The following VCL variants were observed in gnomAD, a reference collection of about 807,000 sequenced individuals.
VCL encodes epididymis luminal protein 114.
A neutral mutation model predicts 125.7 loss-of-function variants in VCL; 47 were observed. The ratio of observed to expected loss-of-function variants is 0.37; its 90% confidence interval spans 0.30 to 0.48. VCL has a LOEUF of 0.48. Ranked by LOEUF, VCL falls within the 20% of genes least tolerant of loss-of-function variation. VCL has a pLI of 0.99. For synonymous variants in VCL, 458 were observed against 514.6 expected, an observed-to-expected ratio of 0.89 and a Z score of 1.49; for missense variants, 1,069 against 1,455.5, an observed-to-expected ratio of 0.73 and a Z score of 4.32.
intron 16 of VCL, 143 bp from the exon 17 acceptor site, chr10:74,107,087 C>T (rs1391375665): frequency 6.7e-6 from 9 of 1,348,818 alleles, no homozygotes; most frequent in South Asian, 6.2e-5. Flanking sequence ...TGTCCTGCCT[C>T]CCCCCTTCTT....
intron 2 of VCL, among the ~76,000 whole-genome samples, chr10:74,069,740 G>C (rs1841633298): frequency 6.6e-6 from 1 of 152,080 alleles, no homozygotes; most frequent in South Asian, 2.1e-4. Flanking sequence ...TGATCTATTA[G>C]GTTATTTTCA....
At chr10:74,065,975 C>T (rs529048931) in intron 2 of VCL, among the ~76,000 whole-genome samples, 1 of 150,940 alleles carries the variant, frequency 6.6e-6, no homozygotes, top group East Asian at 1.9e-4. Flanking sequence ...TTCATATTAA[C>T]ACTAATAACA....
At chr10:74,102,463 CATT>C (rs1489459786) in intron 14 of VCL, among the ~76,000 whole-genome samples, 1 of 152,070 alleles carries the variant, frequency 6.6e-6, no homozygotes, top group African/African-American at 2.4e-5. Context: ...ATAGAAAATT[CATT>C]ATTTTTTCAT....
intron 15 of VCL, chr10:74,104,794 G>A (rs532863498): frequency 2.2e-5 from 11 of 510,890 alleles, no homozygotes; most frequent in South Asian, 2.1e-4. Context: ...CTGGTTGTCT[G>A]GGGTGGATAC....
At chr10:74,017,046 CTTTTTTTT>C (rs549275362) in intron 1 of VCL, among the ~76,000 whole-genome samples, 15 of 113,164 alleles carry the variant, frequency 1.3e-4, no homozygotes, top group African/African-American at 5.8e-4. Context: ...AATTTCCTTC[CTTTTTTTT>C]TTTTTTTTTT....
intron 2 of VCL, among the ~76,000 whole-genome samples, chr10:74,055,644 G>C (rs1841377879): frequency 6.6e-6 from 1 of 151,990 alleles, no homozygotes; most frequent in Non-Finnish European, 1.5e-5. Flanking sequence ...CACCACGCCT[G>C]GCCAATTTAG....
At chr10:74,020,451 C>T (rs566308245) in intron 1 of VCL, among the ~76,000 whole-genome samples, 6 of 152,084 alleles carry the variant, frequency 3.9e-5, no homozygotes, top group South Asian at 2.1e-4. Context: ...CAAAGGATGG[C>T]GCATAAGGAA....
chr10:74,091,906 A>T (rs918284752), intron 10 of VCL, among the ~76,000 whole-genome samples: 1 of 148,286 alleles, frequency 6.7e-6, no homozygotes, highest in Non-Finnish European at 1.5e-5. Context: ...TATGTATTTT[A>T]TTTATTTATT....
intron 2 of VCL, among the ~76,000 whole-genome samples, chr10:74,050,601 G>A (rs1208754067): frequency 6.6e-6 from 1 of 152,122 alleles, no homozygotes; most frequent in Non-Finnish European, 1.5e-5. Flanking sequence ...AATAATTTGT[G>A]ATGAAATTTG....
At chr10:74,067,132 A>C (rs562017804) in intron 2 of VCL, among the ~76,000 whole-genome samples, 1 of 152,340 alleles carries the variant, frequency 6.6e-6, no homozygotes, top group South Asian at 2.1e-4. Flanking sequence ...ACTGGGAAAA[A>C]AACATTTGCA....
intron 1 of VCL, among the ~76,000 whole-genome samples, chr10:74,019,148 G>A (rs188927225): frequency 2.4e-3 from 361 of 152,256 alleles, no homozygotes; most frequent in Non-Finnish European, 3.2e-3. Context: ...GTCAGTTTAC[G>A]TATGTGCAAG....
intron 5 of VCL, among the ~76,000 whole-genome samples, chr10:74,073,437 GC>G (rs1564523784): frequency 6.6e-6 from 1 of 152,170 alleles, no homozygotes; most frequent in Non-Finnish European, 1.5e-5. Context: ...GCTCTAACAA[GC>G]CCCTTTGCTG....
chr10:74,090,798 A>T (rs370215617), intron 10 of VCL, among the ~76,000 whole-genome samples: 1,895 of 144,942 alleles, frequency 0.013, 37 homozygotes, highest in African/African-American at 0.046. Context: ...TTTTTTTTTT[A>T]TTTTTTATTT....
At chr10:74,074,676 T>C (rs1839552685) in intron 5 of VCL, 67 bp from the exon 6 acceptor site, 4 of 1,570,346 alleles carry the variant, frequency 2.5e-6, no homozygotes, top group Non-Finnish European at 2.6e-6. Flanking sequence ...GTAGAACATC[T>C]TTTGTGAATA....
At chr10:74,065,118 C>T (rs1160329863) in intron 2 of VCL, among the ~76,000 whole-genome samples, 4 of 148,928 alleles carry the variant, frequency 2.7e-5, no homozygotes, top group Non-Finnish European at 3.0e-5. Flanking sequence ...CACAGTGGCT[C>T]AAATGTATAA....
chr10:74,013,037 T>C (rs1183489049), intron 1 of VCL, among the ~76,000 whole-genome samples: 3 of 152,212 alleles, frequency 2.0e-5, no homozygotes, highest in Non-Finnish European at 4.4e-5. Flanking sequence ...GGGCAAATAT[T>C]GGCTCTGCTG....
intron 7 of VCL, 140 bp from the exon 8 acceptor site, chr10:74,083,224 TTA>T: frequency 9.2e-7 from 1 of 1,092,696 alleles, no homozygotes; most frequent in South Asian, 1.4e-5. Flanking sequence ...TGCTTGGCTG[TTA>T]GCTATCAGAT....
intron 2 of VCL, among the ~76,000 whole-genome samples, chr10:74,066,065 T>A (rs7916635): frequency 0.14 from 16,430 of 116,922 alleles, 1,259 homozygotes; most frequent in African/African-American, 0.29. Context: ...ATATATATTT[T>A]TTTTTTTTTT....
intron 15 of VCL, 179 bp from the exon 16 acceptor site, chr10:74,104,868 CCTCA>C: frequency 1.4e-6 from 1 of 720,266 alleles, no homozygotes; most frequent in Non-Finnish European, 2.2e-6. Context: ...TGGGCTATGT[CCTCA>C]CTGTTTTTTT....
Sources: gnomAD v4.1 joint callset for allele counts (sites outside exome capture counted in the v4.1 genomes callset) on GRCh38, gnomAD v4.1.1 for gene constraint, MANE v1.5 for transcripts, NCBI Gene and HGNC (gene_info 2026-07-23, HGNC 2026-07-21) for gene names.